The following ZSWIM6 variants were observed in gnomAD, a reference collection of about 807,000 sequenced individuals.
ZSWIM6 encodes the protein zinc finger SWIM-type containing 6.
ZSWIM6 carries 9 observed loss-of-function variants against 113.2 expected under a neutral mutation model. The ratio of observed to expected loss-of-function variants is 0.08; its 90% CI spans 0.05 to 0.14. ZSWIM6 has a LOEUF of 0.14. Among genes scored for constraint, ZSWIM6 ranks in the 10% least tolerant of loss-of-function variants. The pLI is 1.00. For synonymous variants in ZSWIM6, 611 were observed against 606.5 expected, an observed-to-expected ratio of 1.01 and a Z score of -0.11; for missense variants, 1,162 against 1,552.2, an observed-to-expected ratio of 0.75 and a Z score of 4.22.
At chr5:61,378,145 A>G (rs1745408185) in intron 1 of ZSWIM6, among the ~76,000 whole-genome samples, 1 of 152,248 alleles carries the variant, frequency 6.6e-6, no homozygotes, top group Admixed American at 6.5e-5. Flanking sequence ...CAACAATTTA[A>G]CATCCAGATT....
intron 10 of ZSWIM6, among the ~76,000 whole-genome samples, 158 bp from the exon 11 acceptor site, chr5:61,538,656 G>T (rs529880604): frequency 7.2e-5 from 11 of 152,278 alleles, no homozygotes; most frequent in African/African-American, 2.6e-4. Flanking sequence ...TAGGTATTTT[G>T]CACCCACACA....
At chr5:61,393,237 G>T (rs1045793337) in intron 1 of ZSWIM6, among the ~76,000 whole-genome samples, 28 of 150,236 alleles carry the variant, frequency 1.9e-4, no homozygotes, top group Non-Finnish European at 3.0e-4. Flanking sequence ...TAGTAGAGAC[G>T]GGGTTTCACC....
chr5:61,356,710 A>G (rs1579950198), intron 1 of ZSWIM6, among the ~76,000 whole-genome samples: 1 of 121,012 alleles, frequency 8.3e-6, no homozygotes, highest in Admixed American at 9.8e-5. Flanking sequence ...TTATATATAT[A>G]ATATATATAA....
intron 1 of ZSWIM6, among the ~76,000 whole-genome samples, chr5:61,463,617 T>C (rs770176849): frequency 6.6e-6 from 1 of 152,226 alleles, no homozygotes; most frequent in Non-Finnish European, 1.5e-5. Flanking sequence ...AACAAATTCT[T>C]CTGGAGTACC....
intron 4 of ZSWIM6, among the ~76,000 whole-genome samples, chr5:61,509,700 T>C (rs1487944148): frequency 3.9e-5 from 6 of 152,134 alleles, no homozygotes; most frequent in Admixed American, 1.3e-4. Flanking sequence ...AGTCGCTTAT[T>C]GAAACCAAGG....
chr5:61,362,424 C>A (rs1745050002), intron 1 of ZSWIM6, among the ~76,000 whole-genome samples: 1 of 152,148 alleles, frequency 6.6e-6, no homozygotes, highest in Non-Finnish European at 1.5e-5. Flanking sequence ...TCTCTAACTC[C>A]TGACCTCAGG....
chr5:61,345,874 G>A (rs75837710), intron 1 of ZSWIM6, among the ~76,000 whole-genome samples: 1,981 of 152,272 alleles, frequency 0.013, 21 homozygotes, highest in Non-Finnish European at 0.019. Context: ...CTTATGTTGA[G>A]GGATTTAGTG....
chr5:61,493,963 A>G (rs1164779797), intron 3 of ZSWIM6, among the ~76,000 whole-genome samples: 1 of 152,080 alleles, frequency 6.6e-6, no homozygotes, highest in African/African-American at 2.4e-5. Context: ...AATTGAGAGC[A>G]TTTTTTCTTC....
At chr5:61,390,851 T>A in intron 1 of ZSWIM6, 1 of 847,736 alleles carries the variant, frequency 1.2e-6, no homozygotes, top group Non-Finnish European at 2.0e-6. Context: ...GGGTGAGCAC[T>A]TGCTTCTTGG....
At chr5:61,514,915 A>G (rs1168074980) in intron 4 of ZSWIM6, among the ~76,000 whole-genome samples, 1 of 151,896 alleles carries the variant, frequency 6.6e-6, no homozygotes. Flanking sequence ...CTCCTCTTCC[A>G]TTTTCTGGAA....
intron 1 of ZSWIM6, among the ~76,000 whole-genome samples, chr5:61,437,046 C>T (rs992390109): frequency 3.9e-5 from 6 of 152,128 alleles, no homozygotes; most frequent in Non-Finnish European, 5.9e-5. Context: ...AAGGCACACA[C>T]GTTCCCAATT....
chr5:61,421,764 A>G (rs948868381), intron 1 of ZSWIM6, among the ~76,000 whole-genome samples: 3 of 152,240 alleles, frequency 2.0e-5, no homozygotes, highest in African/African-American at 2.4e-5. Context: ...GTTTGCTAAG[A>G]ATAGTGGCCT....
intron 1 of ZSWIM6, among the ~76,000 whole-genome samples, chr5:61,363,858 TTCCTTCCTTCCTTCCC>T (rs552840090): frequency 0.14 from 20,520 of 146,306 alleles, 1,566 homozygotes; most frequent in Non-Finnish European, 0.17. Flanking sequence ...TTCCTTTTCC[TTCCTTCCTTCCTTCCC>T]TCCTTCCTTC....
At position 61,536,392 on chromosome 5, in the gene ZSWIM6, G is replaced by T. The variant is rs370565187; in HGVS notation, c.2381+773G>T. ...CCTTTAAATTTTAAGGACCTAAAAGGTACATCCATCTTTCTTAAAACATCA... is the reference window on the plus strand; with the variant it reads ...CCTTTAAATTTTAAGGACCTAAAAGTTACATCCATCTTTCTTAAAACATCA... On this transcript the variant is annotated intron_variant, in intron 10 of 13. Coordinates refer to ENST00000252744, the MANE Select transcript of ZSWIM6 (RefSeq NM_020928.2). Among the ~76,000 whole-genome samples, 25 of 152,128 alleles carry T rather than the reference G, an allele frequency of 1.6e-4. No individual in the cohort carries two copies. The South Asian group carries it at 5.2e-3, about 32-fold the overall frequency.
chr5:61,543,844 C>G lies in ZSWIM6; in HGVS notation c.3175C>G (p.Leu1059Val). 1 of 1,551,932 alleles carries G rather than the reference C, an allele frequency of 6.4e-7. No individual in the cohort carries two copies. Among genetic ancestry groups the G allele is most frequent in the Non-Finnish European group, 8.7e-7 (1 of 1,147,026 alleles). The change falls in exon 14 of 14, where the codon CTG becomes GTG. Residue 1059 changes from leucine (L) to valine (V), a missense_variant. Physicochemically the swap from Leu to Val is conservative, Grantham distance 32 (BLOSUM62 1). This residue lies in a region of ZSWIM6 where 113 missense variants were observed against 213.8 expected (regional missense o/e 0.53). Coordinates refer to ENST00000252744, the MANE Select transcript of ZSWIM6 (RefSeq NM_020928.2). This position sits in a 1 kb window ranked among gnomAD's most constrained non-coding sequence, Gnocchi z 4.3. ...CACCCTGGCCATGACCCATCTCAAC[C>G]TGAGCTACAATCAGGACACACACCC... The part of the protein sequence containing the change: ...LATLAMTHLN[L>V]SYNQDTHPAI...
chr5:61,453,961 A>C, intron 1 of ZSWIM6, among the ~76,000 whole-genome samples: 1 of 152,088 alleles, frequency 6.6e-6, no homozygotes. Context: ...TCTTTGCAGC[A>C]TTATTACTAT....
At chr5:61,336,484 G>T (rs1442637605) in intron 1 of ZSWIM6, among the ~76,000 whole-genome samples, 1 of 151,896 alleles carries the variant, frequency 6.6e-6, no homozygotes, top group Non-Finnish European at 1.5e-5. Context: ...AGGGCCGGGC[G>T]CAGTGAGTCG....
At chr5:61,506,465 C>A (rs976718916) in intron 4 of ZSWIM6, among the ~76,000 whole-genome samples, 1 of 151,904 alleles carries the variant, frequency 6.6e-6, no homozygotes. Context: ...CACTTGTAAT[C>A]CCGGCTACTT....
At chr5:61,411,895 TAAGTATG>T (rs1291867758) in intron 1 of ZSWIM6, among the ~76,000 whole-genome samples, 1 of 152,212 alleles carries the variant, frequency 6.6e-6, no homozygotes, top group Non-Finnish European at 1.5e-5. Flanking sequence ...GGGTTGGGGA[TAAGTATG>T]CAGACCATAG....
Sources: allele counts gnomAD v4.1 joint callset (sites outside exome capture counted in the v4.1 genomes callset), GRCh38; gene constraint gnomAD v4.1.1; regional missense constraint gnomAD v4.1.1; non-coding constraint Gnocchi (gnomAD v3.1); transcripts MANE v1.5; gene names NCBI Gene and HGNC (gene_info 2026-07-23, HGNC 2026-07-21).